The following CERT1 variants were observed in gnomAD, a reference collection of about 807,000 sequenced individuals.
CERT1 encodes ceramide transporter 1.
Under a neutral mutation model 87.9 loss-of-function variants are expected in CERT1, and 31 were observed. The ratio of observed to expected loss-of-function variants is 0.35; its 90% confidence interval spans 0.27 to 0.48. The LOEUF (loss-of-function observed/expected upper bound fraction) is 0.48, where lower values mean the gene tolerates loss of function less well. CERT1 is among the 20% of genes least tolerant of loss of function. The probability of loss-of-function intolerance (pLI) is 0.99; values close to 1 mark genes in which losing one functional copy is unlikely to be tolerated. For missense variants in CERT1, 487 were observed against 758.0 expected, an observed-to-expected ratio of 0.64 and a Z score of 4.20; for synonymous variants, 289 against 250.9, an observed-to-expected ratio of 1.15 and a Z score of -1.44.
chr5:75,416,361 A>G (rs1353834566), intron 7 of CERT1, among the ~76,000 whole-genome samples: 1 of 152,210 alleles, frequency 6.6e-6, no homozygotes, highest in Non-Finnish European at 1.5e-5. Context: ...GAAACTAAAG[A>G]GTCATACTAT....
At chr5:75,493,557 C>A (rs1307153774) in intron 2 of CERT1, among the ~76,000 whole-genome samples, 2 of 152,140 alleles carry the variant, frequency 1.3e-5, no homozygotes, top group East Asian at 3.8e-4. Context: ...GAATCCTTAA[C>A]CTTTGTTGTT....
At chr5:75,477,647 T>TAAAAAAAAAAAAAAA (rs540588442) in intron 2 of CERT1, among the ~76,000 whole-genome samples, 5 of 89,516 alleles carry the variant, frequency 5.6e-5, no homozygotes, top group African/African-American at 8.7e-5. Flanking sequence ...TAATAAGTTG[T>TAAAAAAAAAAAAAAA]AAAAAAAAAA....
intron 2 of CERT1, among the ~76,000 whole-genome samples, chr5:75,464,700 G>A (rs1765387786): frequency 6.6e-6 from 1 of 152,028 alleles, no homozygotes; most frequent in African/African-American, 2.4e-5. Flanking sequence ...CTCAGCCTCT[G>A]GAGTAGCTGA....
chr5:75,495,933 T>C (rs1245847390), intron 2 of CERT1, among the ~76,000 whole-genome samples: 3 of 150,276 alleles, frequency 2.0e-5, no homozygotes, highest in Non-Finnish European at 4.4e-5. Context: ...AAAAATTAGC[T>C]GAAAAAAAAA....
intron 15 of CERT1, among the ~76,000 whole-genome samples, chr5:75,381,423 T>A (rs936092257): frequency 6.6e-6 from 1 of 151,834 alleles, no homozygotes; most frequent in Non-Finnish European, 1.5e-5. Flanking sequence ...GGTGCCATCA[T>A]AGTTCACTGC....
intron 2 of CERT1, among the ~76,000 whole-genome samples, chr5:75,485,525 G>A (rs895170588): frequency 3.5e-4 from 53 of 151,382 alleles, no homozygotes; most frequent in African/African-American, 1.3e-3. Flanking sequence ...AAACATCAGA[G>A]ACAAATGAAA....
chr5:75,422,870 T>C (rs767793801), intron 5 of CERT1, among the ~76,000 whole-genome samples: 3 of 152,096 alleles, frequency 2.0e-5, no homozygotes, highest in Non-Finnish European at 4.4e-5. Context: ...CACAGACACA[T>C]ACAAAGGGAA....
At chr5:75,508,076 C>T (rs1039340632) in intron 1 of CERT1, among the ~76,000 whole-genome samples, 2 of 152,144 alleles carry the variant, frequency 1.3e-5, no homozygotes, top group South Asian at 2.1e-4. Context: ...TTACATTGAT[C>T]GTATTGAGTC....
chr5:75,455,175 G>C (rs1028587936), intron 3 of CERT1, among the ~76,000 whole-genome samples: 6 of 152,188 alleles, frequency 3.9e-5, no homozygotes, highest in Non-Finnish European at 8.8e-5. Context: ...TCTTCACAAT[G>C]TCTTGACTGC....
At chr5:75,387,425 C>T (rs1005497873) in intron 12 of CERT1, among the ~76,000 whole-genome samples, 10 of 152,014 alleles carry the variant, frequency 6.6e-5, no homozygotes, top group Admixed American at 1.3e-4. Flanking sequence ...AGTTTCTTCC[C>T]TATCAGCTTG....
intron 1 of CERT1, among the ~76,000 whole-genome samples, chr5:75,508,976 C>T (rs1006138857): frequency 6.6e-6 from 1 of 151,294 alleles, no homozygotes; most frequent in South Asian, 2.1e-4. Context: ...TGATCCATCA[C>T]GATACTTGCT....
intron 12 of CERT1, among the ~76,000 whole-genome samples, chr5:75,386,624 T>C (rs1761795732): frequency 6.6e-6 from 1 of 152,236 alleles, no homozygotes; most frequent in Admixed American, 6.5e-5. Context: ...TGATAAATAC[T>C]CTTGAGAAAT....
At chr5:75,483,451 G>A (rs1442854245) in intron 2 of CERT1, among the ~76,000 whole-genome samples, 1 of 151,958 alleles carries the variant, frequency 6.6e-6, no homozygotes, top group East Asian at 1.9e-4. Context: ...GTGAGGTGAA[G>A]GTAGAAAGTT....
chr5:75,470,189 C>G (rs995973982), intron 2 of CERT1, among the ~76,000 whole-genome samples: 1 of 152,118 alleles, frequency 6.6e-6, no homozygotes, highest in Non-Finnish European at 1.5e-5. Flanking sequence ...TTAAACTATA[C>G]TCTGGACCAA....
At chr5:75,370,090 T>C (rs1161012044) in intron 17 of CERT1, 1 of 152,208 alleles carries the variant, frequency 6.6e-6, no homozygotes, top group East Asian at 1.9e-4. Flanking sequence ...AAAAGTGCCC[T>C]AGAAAATCCC....
chr5:75,485,160 TA>T (rs1766450390), intron 2 of CERT1, among the ~76,000 whole-genome samples: 1 of 151,172 alleles, frequency 6.6e-6, no homozygotes, highest in Non-Finnish European at 1.5e-5. Flanking sequence ...AAAGTGGAAA[TA>T]AAACACACAA....
chr5:75,436,787 T>C (rs1471949710), intron 3 of CERT1, among the ~76,000 whole-genome samples: 3 of 152,102 alleles, frequency 2.0e-5, no homozygotes. Context: ...GTTTTTTCTT[T>C]TGAGACAGGG....
In CERT1 at chr5:75,478,525, G is replaced by C. The variant is rs535310036; in HGVS notation, c.232-19344C>G. ...GAAAGAATAAAAAGAATGAGAATCA[G>C]CAACTTCAAACACTAGATTCCTCTG... On this transcript the variant is annotated intron_variant, in intron 2 of 16. Transcript: ENST00000643780. Among the ~76,000 whole-genome samples, 3 of 152,108 alleles carry C rather than the reference G, an allele frequency of 2.0e-5. No homozygotes were observed. The South Asian group carries it at 6.2e-4, about 32-fold the overall frequency.
intron 2 of CERT1, among the ~76,000 whole-genome samples, chr5:75,482,709 T>C (rs1766310002): frequency 6.6e-6 from 1 of 152,054 alleles, no homozygotes; most frequent in Non-Finnish European, 1.5e-5. Flanking sequence ...GGGGAAAGGG[T>C]AGAGGACAAG....
Sources: gnomAD v4.1 joint callset for allele counts (sites outside exome capture counted in the v4.1 genomes callset) on GRCh38, gnomAD v4.1.1 for gene constraint, MANE v1.5 for transcripts, NCBI Gene and HGNC (gene_info 2026-07-23, HGNC 2026-07-21) for gene names.